KIF3A: variants seen among roughly 807,000 people sequenced by gnomAD.
KIF3A encodes the protein kinesin family member 3A, also known as kinesin-like protein KIF3A.
KIF3A carries 27 observed loss-of-function variants against 92.6 expected under a neutral mutation model. The ratio of observed to expected loss-of-function variants is 0.29; its 90% CI spans 0.21 to 0.40. KIF3A has a LOEUF of 0.40. KIF3A is among the 10% of genes least tolerant of loss of function. The pLI is 1.00. For synonymous variants in KIF3A, 250 were observed against 275.4 expected (o/e 0.91, Z 0.92); for missense variants, 581 against 872.6 (o/e 0.67, Z 4.21).
chr5:132,700,333 A>T (rs778793491), intron 16 of KIF3A, 49 bp from the exon 17 acceptor site: 2 of 1,093,414 alleles, frequency 1.8e-6, no homozygotes, highest in Admixed American at 4.0e-5. Context: ...ATTAGTAATC[A>T]ATACTGTGAG....
At position 132,724,811 on chromosome 5, in the gene KIF3A, A is replaced by AAAT. The variant is rs1250970350; in HGVS notation, c.510+1316_510+1317insATT. On this transcript the variant is annotated intron_variant, in intron 4 of 18. Coordinates refer to ENST00000403231, the MANE Select transcript of KIF3A (RefSeq NM_001300791.2). ...GTATAATAAAAAAAAAAAAAAATAT[A>AAAT]TATATATATATATATATATATATAT... Among the ~76,000 whole-genome samples the AAAT allele has an allele frequency of 4.1e-3, 46 of 11,232 alleles. 4 individuals carry two copies. The highest frequency in any genetic ancestry group is 7.4e-3 in the Non-Finnish European group (26 of 3,534). 7.4% of individuals were successfully genotyped at this position (11,232 alleles called of 152,430 possible).
chr5:132,717,964 T>C (rs1038682923), intron 5 of KIF3A, among the ~76,000 whole-genome samples: 9 of 152,148 alleles, frequency 5.9e-5, no homozygotes, highest in Admixed American at 2.0e-4. Context: ...AATTTTTAAT[T>C]AAATAACCAA....
At chr5:132,716,543 A>G (rs1349309618) in intron 6 of KIF3A, 101 bp from the exon 7 acceptor site, 18 of 938,920 alleles carry the variant, frequency 1.9e-5, no homozygotes, top group Non-Finnish European at 2.9e-5. Flanking sequence ...AAAAAACCTG[A>G]TATGATGCCT....
At chr5:132,719,003 T>C (rs1301730038) in intron 5 of KIF3A, among the ~76,000 whole-genome samples, 3 of 152,240 alleles carry the variant, frequency 2.0e-5, no homozygotes, top group Non-Finnish European at 2.9e-5. Flanking sequence ...CAGGGTTTTA[T>C]TGAAGGTTAT....
intron 4 of KIF3A, among the ~76,000 whole-genome samples, chr5:132,724,805 A>AT (rs1561708717): frequency 1.1e-3 from 18 of 16,690 alleles, no homozygotes; most frequent in Admixed American, 2.1e-3. Flanking sequence ...AAAAAAAAAA[A>AT]AATATATATA....
chr5:132,733,501 G>T (rs1754300696), intron 2 of KIF3A, among the ~76,000 whole-genome samples: 1 of 152,234 alleles, frequency 6.6e-6, no homozygotes, highest in South Asian at 2.1e-4. Flanking sequence ...GGACATGGTA[G>T]CTGACATGGG....
chr5:132,736,647 T>C, intron 1 of KIF3A: 2 of 342,740 alleles, frequency 5.8e-6, no homozygotes, highest in South Asian at 4.7e-5. Flanking sequence ...TGTCAAGCAC[T>C]GTCCTTCTAG....
In KIF3A at chr5:132,693,782, C is replaced by G. The variant is rs1463032905; in HGVS notation, c.*2852G>C. 1 of 150,594 alleles carries G rather than the reference C, an allele frequency of 6.6e-6. No individual in the cohort carries two copies. The highest frequency in any genetic ancestry group is 2.4e-5 in the African/African-American group (1 of 40,848). The allele number at this position is 150,594 out of a possible 1,614,324, so 9.3% of individuals were successfully genotyped here. A position where few individuals can be genotyped will look rare whatever the true frequency, so the allele number is the denominator to read the frequency against. ...GGATCACAAAGTCAGGTGAGACCAG[C>G]CTGGCCAACATGGTGAAACCCGGTC... is the stretch of plus-strand genomic sequence containing the variant. On this transcript the variant is annotated 3_prime_UTR_variant, in exon 19 of 19. Transcript: ENST00000403231.
Position 132,724,840 on chromosome 5 carries a change from TATATATATATATATATTA to T in KIF3A, c.510+1270_510+1287del, listed in dbSNP as rs1753980615. Among the ~76,000 whole-genome samples the T allele has an allele frequency of 3.5e-4, 9 of 25,936 alleles. No individual in the cohort carries two copies. In the South Asian group the frequency reaches 0.01, roughly 29 times the overall value. The allele number at this position is 25,936 out of a possible 152,430, so 17.0% of individuals were successfully genotyped here. A position where few individuals can be genotyped will look rare whatever the true frequency, so the allele number is the denominator to read the frequency against. On this transcript the variant is annotated intron_variant, in intron 4 of 18. Transcript: ENST00000403231. ...ATATATATATATATATATATATATA[TATATATATATATATATTA>T]AAAAATCATTCTAAGAAAGGGATTA...
intron 4 of KIF3A, among the ~76,000 whole-genome samples, chr5:132,725,794 CAT>C (rs1754014341): frequency 6.6e-6 from 1 of 152,138 alleles, no homozygotes; most frequent in Admixed American, 6.6e-5. Context: ...TGCTGTTCTA[CAT>C]GTTACTCTAC....
At chr5:132,712,572 T>C (rs1753464909) in intron 8 of KIF3A, among the ~76,000 whole-genome samples, 1 of 152,196 alleles carries the variant, frequency 6.6e-6, no homozygotes, top group South Asian at 2.1e-4. Context: ...GGATTATTGT[T>C]GCAGACAAGA....
At chr5:132,708,788 A>C in intron 10 of KIF3A, 119 bp downstream of exon 10, 2 of 609,332 alleles carry the variant, frequency 3.3e-6, no homozygotes, top group South Asian at 4.9e-5. Flanking sequence ...TGTTCTACTG[A>C]GGAATCCAAC....
rs1216519763 is a variant in KIF3A at position 132,700,198 on chromosome 5, T to C, written c.2007+18A>G. On this transcript the variant is annotated intron_variant, in intron 17 of 18. Coordinates refer to ENST00000403231, the MANE Select transcript of KIF3A (RefSeq NM_001300791.2). ...AGTAGTTTTGTGTTTTGTTTTGTTTTTTTTTAAGTACTCTTACATCTTTCT... is the reference window on the plus strand; with the variant it reads ...AGTAGTTTTGTGTTTTGTTTTGTTTCTTTTTAAGTACTCTTACATCTTTCT... The C allele has an allele frequency of 2.8e-6, 4 of 1,438,476 alleles. No individual in the cohort carries two copies. Among genetic ancestry groups the C allele is most frequent in the South Asian group, 2.5e-5 (2 of 81,530 alleles). The allele number at this position is 1,438,476 out of a possible 1,614,324, so 89.1% of individuals were successfully genotyped here. A position where few individuals can be genotyped will look rare whatever the true frequency, so the allele number is the denominator to read the frequency against.
chr5:132,723,575 G>A (rs1473437444), intron 4 of KIF3A: 1 of 152,178 alleles, frequency 6.6e-6, no homozygotes, highest in Admixed American at 6.5e-5. Flanking sequence ...AACAAATGGT[G>A]CTGGGAAAAC....
chr5:132,703,549 A>G lies in KIF3A; in HGVS notation c.1380T>C (p.Leu460=). The G allele has an allele frequency of 1.9e-6, 3 of 1,612,382 alleles. No homozygotes were observed. The highest frequency in any genetic ancestry group is 1.7e-6 in the Non-Finnish European group (2 of 1,179,068). ...QAKIDEERKA[L]ETKLDMEEEE... is the part of the protein sequence containing the mutation. ...CTTCTTCCATGTCGAGCTTTGTTTC[A>G]AGTGCTTTTCTCTCCTCATCAATTT... is the stretch of plus-strand genomic sequence containing the variant. Residue 460 remains leucine, a synonymous_variant, in exon 12 of 19, where the codon CTT becomes CTC. Transcript: ENST00000403231.
intron 9 of KIF3A, among the ~76,000 whole-genome samples, chr5:132,709,958 TA>T (rs1753359558): frequency 6.6e-6 from 1 of 152,340 alleles, no homozygotes; most frequent in South Asian, 2.1e-4. Flanking sequence ...GTGATGGGTT[TA>T]TTTTTAGCAC....
chr5:132,727,535 T>C (rs1294110488), intron 2 of KIF3A, among the ~76,000 whole-genome samples: 1 of 151,918 alleles, frequency 6.6e-6, no homozygotes, highest in East Asian at 1.9e-4. Context: ...TTTTGAGGAC[T>C]GAAATGAGAC....
intron 2 of KIF3A, among the ~76,000 whole-genome samples, chr5:132,730,752 C>A (rs1448030490): frequency 6.6e-6 from 1 of 152,186 alleles, no homozygotes; most frequent in East Asian, 1.9e-4. Context: ...CATGATCACA[C>A]CACTGCACTC....
chr5:132,691,914 T>A (rs1198813303), downstream of KIF3A, among the ~76,000 whole-genome samples: 1 of 145,962 alleles, frequency 6.9e-6, no homozygotes, highest in African/African-American at 2.5e-5. Flanking sequence ...AAAAATAAGA[T>A]AAATAAAATA....
Sources: allele counts gnomAD v4.1 joint callset (sites outside exome capture counted in the v4.1 genomes callset), GRCh38; gene constraint gnomAD v4.1.1; transcripts MANE v1.5; gene names NCBI Gene and HGNC (gene_info 2026-07-23, HGNC 2026-07-21).